CDK5RAP1: variants seen among roughly 807,000 people sequenced by gnomAD.
CDK5RAP1 encodes mitochondrial tRNA methylthiotransferase CDK5RAP1.
Under a neutral mutation model 64.5 loss-of-function variants are expected in CDK5RAP1, and 62 were observed. The observed-to-expected ratio is 0.96, with a 90% CI of 0.78 to 1.19. The LOEUF (loss-of-function observed/expected upper bound fraction) is 1.19. Ranked by LOEUF, CDK5RAP1 falls within the 50% of genes most tolerant of loss-of-function variation. The pLI is 0.00. For synonymous variants in CDK5RAP1, 250 were observed against 261.9 expected (o/e 0.95, Z 0.44); for missense variants, 657 against 735.0 (o/e 0.89, Z 1.23).
At chr20:33,396,629 G>A in intron 2 of CDK5RAP1, 132 bp downstream of exon 2, 1 of 716,602 alleles carries the variant, frequency 1.4e-6, no homozygotes, top group Non-Finnish European at 2.4e-6. Flanking sequence ...TTACTTGGTG[G>A]AGTCTAATGA....
At position 33,360,372 on chromosome 20, in the gene CDK5RAP1, A is replaced by G. The variant is rs557614184; in HGVS notation, c.1662T>C (p.Pro554=). ...TCACCTTCACCAGCACATAGTCCCC[A>G]GGCTGGGCTCTGACCCTGAGCCCAG... is the stretch of plus-strand genomic sequence containing the variant. ...NNPGLRVRAQ[P]GDYVLVKITS... Residue 554 remains proline, a synonymous_variant, in exon 13 of 14, where the codon CCT becomes CCC. Transcript: ENST00000346416. 6.2e-7 allele frequency: 1 copy of G among 1,614,176 alleles called. No individual in the cohort carries two copies. Among genetic ancestry groups the G allele is most frequent in the South Asian group, 1.1e-5 (1 of 91,082 alleles).
At chr20:33,389,716 C>T (rs1988069878) in intron 5 of CDK5RAP1, among the ~76,000 whole-genome samples, 1 of 152,204 alleles carries the variant, frequency 6.6e-6, no homozygotes, top group Non-Finnish European at 1.5e-5. Flanking sequence ...TACACAACAG[C>T]TCATTGAGAA....
chr20:33,389,365 A>G (rs1987973139), intron 5 of CDK5RAP1, among the ~76,000 whole-genome samples: 1 of 148,534 alleles, frequency 6.7e-6, no homozygotes, highest in African/African-American at 2.5e-5. Context: ...CCCGTCTGAG[A>G]AGTGAGGAGC....
chr20:33,382,832 T>C (rs911318513), intron 7 of CDK5RAP1, among the ~76,000 whole-genome samples: 2 of 151,862 alleles, frequency 1.3e-5, no homozygotes, highest in East Asian at 1.9e-4. Context: ...AACACTGCAC[T>C]CCAGCCTGGG....
intron 12 of CDK5RAP1, 106 bp from the exon 13 acceptor site, chr20:33,360,597 A>G: frequency 9.9e-7 from 1 of 1,008,478 alleles, no homozygotes; most frequent in Non-Finnish European, 1.5e-6. Flanking sequence ...TCTGACCCAC[A>G]GAGCATTCCT....
intron 11 of CDK5RAP1, 49 bp from the exon 12 acceptor site, chr20:33,367,057 T>C (rs1984117748): frequency 1.3e-6 from 2 of 1,556,704 alleles, no homozygotes; most frequent in Non-Finnish European, 1.7e-6. Context: ...CAAGGACTTG[T>C]AGAATCTATT....
chr20:33,379,376 G>A (rs2146649628), intron 8 of CDK5RAP1, 85 bp downstream of exon 8: 1 of 896,350 alleles, frequency 1.1e-6, no homozygotes, highest in Non-Finnish European at 1.8e-6. Context: ...AGGACTCCAG[G>A]TCTCTGCTGC....
In CDK5RAP1 at chr20:33,385,745, T is replaced by A; in HGVS notation, c.781A>T (p.Met261Leu). ...FVSIMRGCDN[M>L]CSYCIVPFTR... ...AAAGGAACAATGCAGTAGCTACACATGTTGTCACAGCCTCGCATGATTGAC... is the reference window on the plus strand; with the variant it reads ...AAAGGAACAATGCAGTAGCTACACAAGTTGTCACAGCCTCGCATGATTGAC... Residue 261 changes from methionine to leucine, a missense_variant, in exon 7 of 14, where the codon ATG (methionine) becomes TTG (leucine). By Grantham distance (15) the Met-to-Leu change is conservative. Coordinates refer to ENST00000346416, the MANE Select transcript of CDK5RAP1 (RefSeq NM_016408.4). 6.2e-7 allele frequency: 1 copy of A among 1,613,662 alleles called. No homozygotes were observed. The highest frequency in any genetic ancestry group is 8.5e-7 in the Non-Finnish European group (1 of 1,179,846).
chr20:33,369,700 G>A (rs557701219), intron 11 of CDK5RAP1, among the ~76,000 whole-genome samples: 1 of 152,120 alleles, frequency 6.6e-6, no homozygotes, highest in Non-Finnish European at 1.5e-5. Flanking sequence ...AGGACTGCCT[G>A]AGCCAGGAGT....
intron 8 of CDK5RAP1, among the ~76,000 whole-genome samples, chr20:33,377,616 A>C (rs946732657): frequency 3.3e-5 from 5 of 152,252 alleles, no homozygotes; most frequent in Middle Eastern, 3.4e-3. Context: ...ATATCAGCAA[A>C]AAGGCTGGGT....
At chr20:33,368,223 A>T (rs1221764392) in intron 11 of CDK5RAP1, among the ~76,000 whole-genome samples, 1 of 152,136 alleles carries the variant, frequency 6.6e-6, no homozygotes, top group Non-Finnish European at 1.5e-5. Context: ...TTAGGTCCCA[A>T]AGTGAACATT....
chr20:33,389,156 C>T (rs1438935924), intron 5 of CDK5RAP1, among the ~76,000 whole-genome samples: 17 of 151,700 alleles, frequency 1.1e-4, no homozygotes, highest in African/African-American at 3.2e-4. Flanking sequence ...TCTTCCCGGC[C>T]GCCATCCCGT....
At chr20:33,377,226 G>A (rs1269634905) in intron 8 of CDK5RAP1, among the ~76,000 whole-genome samples, 1 of 152,218 alleles carries the variant, frequency 6.6e-6, no homozygotes, top group Non-Finnish European at 1.5e-5. Context: ...AAGCTTTGAA[G>A]AATGGCACTG....
intron 7 of CDK5RAP1, among the ~76,000 whole-genome samples, chr20:33,384,202 C>T (rs1316950781): frequency 6.6e-6 from 1 of 152,050 alleles, no homozygotes; most frequent in Non-Finnish European, 1.5e-5. Context: ...ACTAAACAAG[C>T]AAAATTATTA....
At chr20:33,378,693 G>C (rs1986344625) in intron 8 of CDK5RAP1, among the ~76,000 whole-genome samples, 1 of 152,156 alleles carries the variant, frequency 6.6e-6, no homozygotes, top group South Asian at 2.1e-4. Flanking sequence ...AAGATGAAAA[G>C]TTGAAAACAT....
chr20:33,361,361 A>C (rs1982883383), intron 12 of CDK5RAP1, among the ~76,000 whole-genome samples: 1 of 152,208 alleles, frequency 6.6e-6, no homozygotes, highest in South Asian at 2.1e-4. Context: ...CGGAAAAAGA[A>C]TTTCAGAAAT....
chr20:33,392,267 C>T (rs758346975), intron 4 of CDK5RAP1, 25 bp from the exon 5 acceptor site: 1 of 1,471,946 alleles, frequency 6.8e-7, no homozygotes, highest in Non-Finnish European at 9.4e-7. Flanking sequence ...GGAGGCAAGA[C>T]TGAACCAAAA....
rs373612936 is a variant in CDK5RAP1, at chr20:33,379,666, C to G, written c.902G>C (p.Gly301Ala). 6 of 1,613,784 alleles carry G rather than the reference C, an allele frequency of 3.7e-6. No individual in the cohort carries two copies. The highest frequency in any genetic ancestry group is 5.1e-6 in the Non-Finnish European group (6 of 1,179,870). ...EQGLKEVTLL[G>A]QNVNSFRDNS... ...GTCCCGAAAACTATTAACATTCTGA[C>G]CAAGAAGTGTCACTTCTTTCAGCCC... is the stretch of plus-strand genomic sequence containing the variant. Residue 301 changes from glycine to alanine, a missense_variant, in exon 8 of 14, where the codon GGT becomes GCT. Physicochemically the swap from Gly to Ala is moderately conservative, Grantham distance 60. Coordinates refer to ENST00000346416, the MANE Select transcript of CDK5RAP1 (RefSeq NM_016408.4).
intron 5 of CDK5RAP1, 109 bp downstream of exon 5, chr20:33,392,033 T>G: frequency 1.4e-6 from 1 of 711,186 alleles, no homozygotes; most frequent in South Asian, 1.7e-5. Context: ...ATGGGATATA[T>G]AAGATTTCTT....
Sources: gnomAD v4.1 joint callset for allele counts (sites outside exome capture counted in the v4.1 genomes callset) on GRCh38, gnomAD v4.1.1 for gene constraint, MANE v1.5 for transcripts, NCBI Gene and HGNC (gene_info 2026-07-23, HGNC 2026-07-21) for gene names.